The following PHC2 variants were observed in gnomAD, a reference collection of about 807,000 sequenced individuals.
The protein encoded by PHC2 is polyhomeotic homolog 2.
PHC2 carries 29 observed loss-of-function variants against 87.4 expected under a neutral mutation model. That is an observed-to-expected ratio of 0.33 (90% CI 0.25 to 0.45). The LOEUF is 0.45. PHC2 is among the 20% of genes least tolerant of loss of function. The probability of loss-of-function intolerance (pLI) is 1.00; values close to 1 mark genes in which losing one functional copy is unlikely to be tolerated. For missense variants in PHC2, 857 were observed against 1,136.7 expected (o/e 0.75, Z 3.54); for synonymous variants, 438 against 461.7 (o/e 0.95, Z 0.66).
At chr1:33,403,942 T>C (rs1649648019) in intron 1 of PHC2, among the ~76,000 whole-genome samples, 1 of 152,198 alleles carries the variant, frequency 6.6e-6, no homozygotes, top group African/African-American at 2.4e-5. Context: ...CTCCTTAAGA[T>C]ACATCCATGA....
chr1:33,327,878 C>T (rs188996528), intron 14 of PHC2, among the ~76,000 whole-genome samples: 11 of 152,354 alleles, frequency 7.2e-5, no homozygotes, highest in African/African-American at 2.6e-4. Flanking sequence ...TAATTGTAAC[C>T]TCATAAGACA....
intron 13 of PHC2, among the ~76,000 whole-genome samples, chr1:33,329,724 G>T (rs1646447834): frequency 6.6e-6 from 1 of 152,152 alleles, no homozygotes; most frequent in African/African-American, 2.4e-5. Context: ...AAAGGGTGGA[G>T]GCTGCCTTCT....
chr1:33,333,950 T>C, intron 10 of PHC2, 140 bp downstream of exon 10: 1 of 734,104 alleles, frequency 1.4e-6, no homozygotes, highest in Non-Finnish European at 2.3e-6. Flanking sequence ...GAAATGGCTC[T>C]ATATTCTTTG....
chr1:33,355,378 C>G, intron 7 of PHC2, 125 bp from the exon 8 acceptor site: 1 of 838,590 alleles, frequency 1.2e-6, no homozygotes, highest in Non-Finnish European at 1.8e-6. Context: ...TTGTTTTCAT[C>G]TCTTTCATTT....
At chr1:33,381,493 C>T (rs1442212322) in intron 1 of PHC2, among the ~76,000 whole-genome samples, 1 of 151,972 alleles carries the variant, frequency 6.6e-6, no homozygotes, top group South Asian at 2.1e-4. Flanking sequence ...TACTACTTGT[C>T]AAGCACTATC....
intron 7 of PHC2, among the ~76,000 whole-genome samples, chr1:33,357,300 T>G (rs1451525745): frequency 6.6e-6 from 1 of 152,208 alleles, no homozygotes; most frequent in Admixed American, 6.5e-5. Context: ...GTAAGCAGGT[T>G]TCAAACTGAG....
chr1:33,329,974 G>A lies in PHC2; in HGVS notation c.2148+97C>T. Reference sequence around the variant, plus strand: ...GAATGAGAGCACAGCAGAGTGCGCTGAAGTCGGCAGCTGGAGGGGACCGTG... The same window carrying A: ...GAATGAGAGCACAGCAGAGTGCGCTAAAGTCGGCAGCTGGAGGGGACCGTG... On this transcript the variant is annotated intron_variant, in intron 13 of 14. Transcript: ENST00000683057. 2.2e-6 allele frequency: 3 copies of A among 1,375,118 alleles called. 1 individual carries two copies. The South Asian group carries it at 3.8e-5, about 17-fold the overall frequency. The allele number at this position is 1,375,118 out of a possible 1,614,324, so 85.2% of individuals were successfully genotyped here.
chr1:33,355,095 C>T lies in PHC2; in HGVS notation c.1135G>A (p.Ala379Thr), dbSNP rs767085287. Residue 379 changes from alanine to threonine, a missense_variant, in exon 8 of 15, where the codon GCC becomes ACC. Physicochemically the swap from Ala to Thr is moderately conservative, Grantham distance 58 (BLOSUM62 0). This residue lies in a region of PHC2 where 832 missense variants were observed against 1,081.8 expected (regional missense o/e 0.77). Coordinates refer to ENST00000683057, the MANE Select transcript of PHC2 (RefSeq NM_001385109.1). ...AGGGCCACGCTTGGAGAGACTGAGG[C>T]GAGCTGGGGGTGGGGCTCAGCTTGG... ...VLQAEPHPQL[A>T]SVSPSVALQP... 7 of 1,611,276 alleles carry T rather than the reference C, an allele frequency of 4.3e-6. No individual in the cohort carries two copies. The East Asian group carries it at 6.7e-5, about 15-fold the overall frequency.
chr1:33,378,135 C>A (rs2148340795), intron 1 of PHC2, among the ~76,000 whole-genome samples: 1 of 152,320 alleles, frequency 6.6e-6, no homozygotes, highest in African/African-American at 2.4e-5. Context: ...GCTAAGGATG[C>A]TTATGATGAT....
In PHC2 at chr1:33,349,218, C is replaced by T; in HGVS notation, c.1558+5183G>A. The stretch of plus-strand genomic sequence containing the variant: ...GGCGCCTCCAAGATAGGGAGTCCAC[C>T]ACCAATAAAGTACGGCAGATGCCAG... On this transcript the variant is annotated intron_variant, in intron 9 of 14. Transcript: ENST00000683057. This position sits in a 1 kb window ranked among gnomAD's most constrained non-coding sequence, Gnocchi z 4.2. The T allele has an allele frequency of 1.0e-6, 1 of 985,468 alleles. No individual in the cohort carries two copies. The highest frequency in any genetic ancestry group is 1.2e-6 in the Non-Finnish European group (1 of 829,954). The allele number at this position is 985,468 out of a possible 1,614,324, so 61.0% of individuals were successfully genotyped here.
chr1:33,391,901 T>C (rs1197658360), intron 1 of PHC2, among the ~76,000 whole-genome samples: 1 of 152,142 alleles, frequency 6.6e-6, no homozygotes, highest in Non-Finnish European at 1.5e-5. Context: ...CAATGAAGTA[T>C]GCTGTATTGC....
intron 7 of PHC2, among the ~76,000 whole-genome samples, chr1:33,366,408 G>A (rs1647453129): frequency 6.6e-6 from 1 of 152,196 alleles, no homozygotes; most frequent in Admixed American, 6.5e-5. Context: ...AGGGAAAGGG[G>A]TCTAGCAGGG....
rs559012175 is a variant in PHC2, at chr1:33,347,030, C to T, written c.1558+7371G>A. The T allele has an allele frequency of 3.0e-6, 3 of 985,410 alleles. No homozygotes were observed. In the African/African-American group the frequency reaches 5.2e-5, roughly 17 times the overall value. 61.0% of individuals were successfully genotyped at this position (985,410 alleles called of 1,614,324 possible). On this transcript the variant is annotated intron_variant, in intron 9 of 14. Transcript: ENST00000683057. ...ATCTACTTACTCCTCTTAACATGCC[C>T]TCTCCCCCTGAAAGATCAGAACCAA...
intron 1 of PHC2, among the ~76,000 whole-genome samples, chr1:33,426,132 C>T (rs1004088952): frequency 5.3e-5 from 8 of 152,142 alleles, no homozygotes; most frequent in Admixed American, 2.0e-4. Context: ...CCCAGAAAAA[C>T]CTAATTGGTT....
At chr1:33,383,773 G>A (rs906485165) in intron 1 of PHC2, among the ~76,000 whole-genome samples, 18 of 152,130 alleles carry the variant, frequency 1.2e-4, no homozygotes, top group Non-Finnish European at 2.9e-5. Context: ...ATAAAAGAAC[G>A]CCATGTGAAA....
At chr1:33,420,911 T>TA (rs1650409800) in intron 1 of PHC2, among the ~76,000 whole-genome samples, 1 of 152,202 alleles carries the variant, frequency 6.6e-6, no homozygotes, top group South Asian at 2.1e-4. Flanking sequence ...GTGCCCAGAC[T>TA]ATTTTCACCT....
intron 9 of PHC2, among the ~76,000 whole-genome samples, chr1:33,335,975 T>G (rs568457889): frequency 1.2e-4 from 18 of 149,360 alleles, no homozygotes; most frequent in South Asian, 8.5e-4. Flanking sequence ...AGCTCATGTT[T>G]TTGTTGTTGT....
chr1:33,373,227 C>G (rs549426685), intron 2 of PHC2, among the ~76,000 whole-genome samples: 1 of 152,168 alleles, frequency 6.6e-6, no homozygotes, highest in Admixed American at 6.5e-5. Context: ...AAGTGATTCT[C>G]CTGCCTCAGC....
At position 33,411,708 on chromosome 1, in the gene PHC2, G is replaced by A. The variant is rs1376977924; in HGVS notation, c.-55+19268C>T. Among the ~76,000 whole-genome samples the A allele has an allele frequency of 3.9e-5, 6 of 151,902 alleles. No homozygotes were observed. The East Asian group carries it at 5.8e-4, about 15-fold the overall frequency. On this transcript the variant is annotated intron_variant, in intron 1 of 14. Transcript: ENST00000683057. ...CCCGAGTAGCTGGGACTAGAGGTGC[G>A]CGCCACCACGCCCAGCTAATTTTTT... is the stretch of plus-strand genomic sequence containing the variant.
Sources: allele counts gnomAD v4.1 joint callset (sites outside exome capture counted in the v4.1 genomes callset), GRCh38; gene constraint gnomAD v4.1.1; regional missense constraint gnomAD v4.1.1; non-coding constraint Gnocchi (gnomAD v3.1); transcripts MANE v1.5; gene names NCBI Gene and HGNC (gene_info 2026-07-23, HGNC 2026-07-21).